The following OGDH variants were observed in gnomAD, a reference collection of about 807,000 sequenced individuals.
OGDH encodes 2-oxoglutarate dehydrogenase complex component E1.
A neutral mutation model predicts 116.6 loss-of-function variants in OGDH; 38 were observed. That is an observed-to-expected ratio of 0.33 (90% confidence interval 0.25 to 0.43). OGDH has a LOEUF of 0.43. Among genes scored for constraint, OGDH ranks in the 20% least tolerant of loss-of-function variants. The pLI is 1.00. For synonymous variants in OGDH, 488 were observed against 533.3 expected (o/e 0.92, Z 1.17); for missense variants, 825 against 1,357.2 (o/e 0.61, Z 6.16).
chr7:44,628,287 T>C (rs1344399768), intron 2 of OGDH, among the ~76,000 whole-genome samples: 1 of 152,182 alleles, frequency 6.6e-6, no homozygotes, highest in Non-Finnish European at 1.5e-5. Context: ...AATTCTCTAA[T>C]AGAATTTTTT....
intron 4 of OGDH, among the ~76,000 whole-genome samples, chr7:44,665,754 C>T (rs552195180): frequency 1.3e-5 from 2 of 152,228 alleles, no homozygotes; most frequent in South Asian, 4.1e-4. Flanking sequence ...GGTATTCAAG[C>T]GCTAGTGATT....
At position 44,667,066 on chromosome 7, in the gene OGDH, C is replaced by G. The variant is rs149636274; in HGVS notation, c.633+215C>G. ...GTCTCAAACCATCCTCCCACCCCAA[C>G]CTCTTGTATCTGGGACTACTGGTAC... On this transcript the variant is annotated intron_variant, in intron 5 of 22. Transcript: ENST00000222673. Among the ~76,000 whole-genome samples, 133 of 152,206 alleles carry G rather than the reference C, an allele frequency of 8.7e-4. 1 individual carries two copies. The East Asian group carries it at 0.019, about 22-fold the overall frequency.
intron 5 of OGDH, among the ~76,000 whole-genome samples, chr7:44,670,953 A>G (rs1247798035): frequency 1.3e-5 from 2 of 149,498 alleles, no homozygotes; most frequent in African/African-American, 2.5e-5. Flanking sequence ...AGAGCTTGCA[A>G]TGAGCCGAGA....
intron 12 of OGDH, among the ~76,000 whole-genome samples, chr7:44,695,388 G>A (rs549168194): frequency 4.6e-5 from 7 of 152,116 alleles, no homozygotes; most frequent in African/African-American, 1.4e-4. Flanking sequence ...GAGCCACTGC[G>A]CCTGGCCTGG....
chr7:44,670,804 A>T (rs560997319), intron 5 of OGDH, among the ~76,000 whole-genome samples: 1 of 152,042 alleles, frequency 6.6e-6, no homozygotes, highest in Non-Finnish European at 1.5e-5. Flanking sequence ...AGGTCAGGAG[A>T]TCGAGACCAT....
chr7:44,631,944 G>A (rs1785459437), intron 2 of OGDH, among the ~76,000 whole-genome samples: 1 of 152,044 alleles, frequency 6.6e-6, no homozygotes, highest in Non-Finnish European at 1.5e-5. Context: ...GAAAGGAAGT[G>A]CATTATGCTG....
At chr7:44,649,243 TTG>T (rs1491138211) in intron 4 of OGDH, among the ~76,000 whole-genome samples, 10 of 138,190 alleles carry the variant, frequency 7.2e-5, no homozygotes, top group African/African-American at 1.2e-4. Flanking sequence ...TCATTTTCTG[TTG>T]TTTTTTTTTT....
intron 4 of OGDH, among the ~76,000 whole-genome samples, 190 bp downstream of exon 4, chr7:44,647,949 A>G (rs1028828277): frequency 6.6e-6 from 1 of 152,200 alleles, no homozygotes; most frequent in African/African-American, 2.4e-5. Context: ...TTTTTCAGCC[A>G]GATTGTCTTA....
chr7:44,667,917 C>T lies in OGDH; in HGVS notation c.633+1066C>T, dbSNP rs551155653. 7.2e-5 allele frequency among the ~76,000 whole-genome samples: 11 copies of T among 152,238 alleles called. No individual in the cohort carries two copies. In the East Asian group the frequency reaches 7.7e-4, roughly 11 times the overall value. On this transcript the variant is annotated intron_variant, in intron 5 of 22. Coordinates refer to ENST00000222673, the MANE Select transcript of OGDH (RefSeq NM_002541.4). ...TGAATCCTGACGTCCCTAACTAACC[C>T]AGGTTGAACCACACTGGCCATCAGG...
intron 1 of OGDH, among the ~76,000 whole-genome samples, chr7:44,610,144 C>T (rs1210451637): frequency 2.6e-5 from 4 of 152,050 alleles, no homozygotes; most frequent in Non-Finnish European, 5.9e-5. Context: ...AATGTCTGTT[C>T]ATATCTTTTG....
At chr7:44,629,650 G>T (rs1246720307) in intron 2 of OGDH, among the ~76,000 whole-genome samples, 6 of 148,678 alleles carry the variant, frequency 4.0e-5, no homozygotes, top group Non-Finnish European at 8.9e-5. Flanking sequence ...CGCAGTCTCG[G>T]CTCTCTGCAA....
intron 10 of OGDH, among the ~76,000 whole-genome samples, chr7:44,691,618 C>T (rs1361845845): frequency 6.6e-6 from 1 of 151,612 alleles, no homozygotes; most frequent in Non-Finnish European, 1.5e-5. Flanking sequence ...ACAGCAGAAG[C>T]GTCTTTGCAT....
intron 6 of OGDH, 33 bp downstream of exon 6, chr7:44,673,974 A>T: frequency 6.2e-7 from 1 of 1,612,826 alleles, no homozygotes; most frequent in East Asian, 2.2e-5. Flanking sequence ...TGGGGCAGAC[A>T]TTCCCAGGGA....
chr7:44,647,531 G>A lies in OGDH; in HGVS notation c.415-126G>A, dbSNP rs1224949077. 1.2e-5 allele frequency: 19 copies of A among 1,544,978 alleles called. No homozygotes were observed. In the Admixed American group the frequency reaches 1.6e-4, roughly 13 times the overall value. On this transcript the variant is annotated intron_variant, in intron 3 of 22. Coordinates refer to ENST00000222673, the MANE Select transcript of OGDH (RefSeq NM_002541.4). ...TGCTCCAGTAACTGTTTCTTCAAAC[G>A]TGGGTGAGAATTAAGCTGTAAATGC...
chr7:44,708,830 A>G lies in OGDH; in HGVS notation c.*831A>G, dbSNP rs1789201003. 1 of 152,040 alleles carries G rather than the reference A, an allele frequency of 6.6e-6. No homozygotes were observed. The highest frequency in any genetic ancestry group is 1.5e-5 in the Non-Finnish European group (1 of 68,008). 9.4% of individuals were successfully genotyped at this position (152,040 alleles called of 1,614,324 possible). On this transcript the variant is annotated 3_prime_UTR_variant, in exon 23 of 23. Transcript: ENST00000222673. ...CCACTCTTTCTTTCTCCTTTAACCC[A>G]ATGGAGACTTTCTGATGCATCGTTT...
intron 4 of OGDH, among the ~76,000 whole-genome samples, chr7:44,653,056 C>T (rs1286543935): frequency 6.6e-6 from 1 of 151,922 alleles, no homozygotes; most frequent in Admixed American, 6.6e-5. Context: ...GAAATTCTTG[C>T]CCTCAGTTTT....
At position 44,700,126 on chromosome 7, in the gene OGDH, C is replaced by T. The variant is rs770265552; in HGVS notation, c.2431-15C>T. 8.7e-6 allele frequency: 14 copies of T among 1,613,786 alleles called. No individual in the cohort carries two copies. Among genetic ancestry groups the T allele is most frequent in the Non-Finnish European group, 1.2e-5 (14 of 1,179,828 alleles). Reference sequence around the variant, plus strand: ...GCTGTGTCCTGGCCTCTGGCCATTTCCTTCCCTGCTGCAGGACCTTAAAGA... The same window carrying T: ...GCTGTGTCCTGGCCTCTGGCCATTTTCTTCCCTGCTGCAGGACCTTAAAGA... On this transcript the variant is annotated splice_polypyrimidine_tract_variant and intron_variant, in intron 18 of 22. Transcript: ENST00000222673.
At chr7:44,675,456 C>A (rs1400063422) in intron 8 of OGDH, among the ~76,000 whole-genome samples, 188 bp downstream of exon 8, 1 of 152,170 alleles carries the variant, frequency 6.6e-6, no homozygotes, top group Non-Finnish European at 1.5e-5. Context: ...GGTCAGAGGT[C>A]CAGCAGCCCC....
intron 4 of OGDH, among the ~76,000 whole-genome samples, chr7:44,661,197 G>A (rs1786923120): frequency 6.6e-6 from 1 of 152,110 alleles, no homozygotes; most frequent in Non-Finnish European, 1.5e-5. Flanking sequence ...TTACCATGAT[G>A]GAATGTCCCT....
Sources: allele counts gnomAD v4.1 joint callset (sites outside exome capture counted in the v4.1 genomes callset), GRCh38; gene constraint gnomAD v4.1.1; transcripts MANE v1.5; gene names NCBI Gene and HGNC (gene_info 2026-07-23, HGNC 2026-07-21).